Variants in PPARGC1A observed in about 807,000 individuals in gnomAD.
PPARGC1A encodes the protein PPARG coactivator 1 alpha, also known as peroxisome proliferator-activated receptor gamma coactivator 1-alpha.
A neutral mutation model predicts 88.7 loss-of-function variants in PPARGC1A; 25 were observed. The ratio of observed to expected loss-of-function variants is 0.28; its 90% CI spans 0.21 to 0.39. The LOEUF is 0.39. PPARGC1A is among the 10% of genes least tolerant of loss of function. The pLI is 1.00. For missense variants in PPARGC1A, 880 were observed against 968.7 expected, an observed-to-expected ratio of 0.91 and a Z score of 1.22; for synonymous variants, 363 against 355.6, an observed-to-expected ratio of 1.02 and a Z score of -0.24.
the PPARGC1A span, among the ~76,000 whole-genome samples, chr4:24,424,421 G>A: frequency 4.6e-5 from 7 of 151,650 alleles, no homozygotes; most frequent in South Asian, 4.2e-4. Flanking sequence ...GACTACAGGC[G>A]CCCGCCACCA....
chr4:23,837,367 T>A (rs1289558265), intron 2 of PPARGC1A, among the ~76,000 whole-genome samples: 1 of 136,082 alleles, frequency 7.3e-6, no homozygotes, highest in African/African-American at 2.8e-5. Flanking sequence ...ATTACGGAAT[T>A]TTTTTGCACT....
the PPARGC1A span, among the ~76,000 whole-genome samples, chr4:24,439,490 C>G: frequency 6.6e-6 from 1 of 152,160 alleles, no homozygotes; most frequent in African/African-American, 2.4e-5. Context: ...TTCACTTCTT[C>G]CAGGTTCAAG....
the PPARGC1A span, among the ~76,000 whole-genome samples, chr4:23,910,793 A>G: frequency 5.3e-5 from 7 of 131,260 alleles, no homozygotes; most frequent in African/African-American, 2.3e-4. Flanking sequence ...TTATTATCTT[A>G]TGAAATGTCA....
At chr4:24,386,643 T>A in the PPARGC1A span, among the ~76,000 whole-genome samples, 1 of 152,088 alleles carries the variant, frequency 6.6e-6, no homozygotes, top group Non-Finnish European at 1.5e-5. Flanking sequence ...CCATTCACAA[T>A]TGCTACAAAG....
chr4:24,467,447 A>G, the PPARGC1A span, among the ~76,000 whole-genome samples: 2 of 152,222 alleles, frequency 1.3e-5, no homozygotes, highest in Admixed American at 6.5e-5. Flanking sequence ...GGTATTGGCT[A>G]TCTAACAACT....
At chr4:24,333,177 G>A in the PPARGC1A span, among the ~76,000 whole-genome samples, 2 of 152,140 alleles carry the variant, frequency 1.3e-5, no homozygotes, top group Middle Eastern at 3.2e-3. Context: ...CCAGGAGGTG[G>A]TGGTTACACT....
At chr4:24,355,344 A>G in the PPARGC1A span, among the ~76,000 whole-genome samples, 3 of 152,204 alleles carry the variant, frequency 2.0e-5, no homozygotes, top group Admixed American at 2.0e-4. Flanking sequence ...AACAAACAAA[A>G]AAGGCAAGAA....
chr4:24,197,761 A>C, the PPARGC1A span, among the ~76,000 whole-genome samples: 1 of 152,244 alleles, frequency 6.6e-6, no homozygotes, highest in Non-Finnish European at 1.5e-5. Flanking sequence ...TGGCTTCACC[A>C]CAAGGAATGC....
the PPARGC1A span, among the ~76,000 whole-genome samples, chr4:24,338,203 G>A: frequency 1.6e-4 from 25 of 152,126 alleles, no homozygotes; most frequent in Admixed American, 5.9e-4. Context: ...TAATTCTCAC[G>A]GTATAAAATC....
At chr4:24,317,865 A>T in the PPARGC1A span, among the ~76,000 whole-genome samples, 1 of 152,194 alleles carries the variant, frequency 6.6e-6, no homozygotes, top group South Asian at 2.1e-4. Flanking sequence ...GTGTGCTAAA[A>T]ACAGCAGATA....
At chr4:24,240,509 T>C in the PPARGC1A span, among the ~76,000 whole-genome samples, 88 of 152,268 alleles carry the variant, frequency 5.8e-4, 1 homozygote, top group Admixed American at 5.1e-3. Context: ...AAGGAGTATT[T>C]TTACACAATC....
chr4:24,324,164 T>C, the PPARGC1A span, among the ~76,000 whole-genome samples: 3 of 152,206 alleles, frequency 2.0e-5, no homozygotes, highest in Non-Finnish European at 4.4e-5. Context: ...TCCTTCACCC[T>C]TAGCGGCAAG....
chr4:24,297,040 C>G, the PPARGC1A span, among the ~76,000 whole-genome samples: 4 of 151,914 alleles, frequency 2.6e-5, no homozygotes, highest in Non-Finnish European at 4.4e-5. Flanking sequence ...TGAGTGTTGT[C>G]AAGAAGACAA....
intron 2 of PPARGC1A, among the ~76,000 whole-genome samples, chr4:23,853,197 G>A (rs767788599): frequency 1.6e-4 from 24 of 152,046 alleles, no homozygotes; most frequent in Non-Finnish European, 3.4e-4. Flanking sequence ...TTCATAGTTC[G>A]ATTAAAGGAA....
At chr4:24,225,357 C>T in the PPARGC1A span, among the ~76,000 whole-genome samples, 1 of 152,106 alleles carries the variant, frequency 6.6e-6, no homozygotes, top group African/African-American at 2.4e-5. Context: ...ATCACGAGGT[C>T]AGGAAATTGA....
At chr4:24,207,543 C>A in the PPARGC1A span, among the ~76,000 whole-genome samples, 1 of 152,154 alleles carries the variant, frequency 6.6e-6, no homozygotes, top group Non-Finnish European at 1.5e-5. Context: ...CATTTTTAAA[C>A]AAGACAGAAA....
chr4:24,384,992 A>T, the PPARGC1A span, among the ~76,000 whole-genome samples: 95 of 152,318 alleles, frequency 6.2e-4, 1 homozygote, highest in African/African-American at 2.3e-3. Flanking sequence ...CATAATTGGA[A>T]GTACAACATG....
intron 2 of PPARGC1A, among the ~76,000 whole-genome samples, chr4:23,832,945 A>G (rs964400842): frequency 2.0e-5 from 3 of 152,080 alleles, no homozygotes; most frequent in Non-Finnish European, 4.4e-5. Flanking sequence ...GGCTCCTGCA[A>G]ATATATTCTA....
the PPARGC1A span, among the ~76,000 whole-genome samples, chr4:24,031,594 T>C: frequency 1.3e-5 from 2 of 152,186 alleles, no homozygotes; most frequent in Non-Finnish European, 2.9e-5. Flanking sequence ...GCCCAGGCAC[T>C]ACTCACACTC....
Sources: allele counts gnomAD v4.1 joint callset (sites outside exome capture counted in the v4.1 genomes callset), GRCh38; gene constraint gnomAD v4.1.1; transcripts MANE v1.5; gene names NCBI Gene and HGNC (gene_info 2026-07-23, HGNC 2026-07-21).